The following ZNF385B variants were observed in gnomAD, a reference collection of about 807,000 sequenced individuals.
ZNF385B encodes zinc finger protein 385B, also known as zinc finger protein 533.
A neutral mutation model predicts 39.2 loss-of-function variants in ZNF385B; 23 were observed. The ratio of observed to expected loss-of-function variants is 0.59; its 90% CI spans 0.42 to 0.83. The LOEUF is 0.83. Among genes scored for constraint, ZNF385B ranks in the 40% least tolerant of loss-of-function variants. The pLI is 0.00. For synonymous variants in ZNF385B, 205 were observed against 222.6 expected (o/e 0.92, Z 0.70); for missense variants, 552 against 598.9 (o/e 0.92, Z 0.82).
rs569997655 is a variant in ZNF385B, at chr2:179,702,322, T to C, written c.298+67181A>G. 4.6e-5 allele frequency among the ~76,000 whole-genome samples: 7 copies of C among 152,334 alleles called. No individual in the cohort carries two copies. In the East Asian group the frequency reaches 1.3e-3, roughly 29 times the overall value. ...CTTGCAATTCTGTGATTGCTTAAAGTAATTTAATCAAAATAGAAAACAATG... is the reference window on the plus strand; with the variant it reads ...CTTGCAATTCTGTGATTGCTTAAAGCAATTTAATCAAAATAGAAAACAATG... On this transcript the variant is annotated intron_variant, in intron 3 of 9. Coordinates refer to ENST00000410066, the MANE Select transcript of ZNF385B (RefSeq NM_152520.6).
intron 3 of ZNF385B, among the ~76,000 whole-genome samples, chr2:179,626,574 T>C (rs1277021024): frequency 6.6e-6 from 1 of 152,156 alleles, no homozygotes; most frequent in Non-Finnish European, 1.5e-5. Flanking sequence ...CTGCAGATTG[T>C]AAAAATGGGC....
intron 5 of ZNF385B, among the ~76,000 whole-genome samples, chr2:179,515,904 G>A (rs183972637): frequency 6.6e-6 from 1 of 152,132 alleles, no homozygotes; most frequent in East Asian, 1.9e-4. Context: ...AAACGTTCCT[G>A]CATTTCCCTT....
At chr2:179,754,101 C>A (rs1375266552) in intron 3 of ZNF385B, among the ~76,000 whole-genome samples, 1 of 152,198 alleles carries the variant, frequency 6.6e-6, no homozygotes, top group Non-Finnish European at 1.5e-5. Flanking sequence ...TTTTCAGATA[C>A]GTCCCATCAA....
At chr2:179,610,277 A>G (rs555912029) in intron 3 of ZNF385B, among the ~76,000 whole-genome samples, 1 of 152,144 alleles carries the variant, frequency 6.6e-6, no homozygotes. Context: ...GCATATGTAT[A>G]TTCAATTTTC....
At chr2:179,493,615 A>G (rs1236458310) in intron 5 of ZNF385B, among the ~76,000 whole-genome samples, 2 of 97,882 alleles carry the variant, frequency 2.0e-5, no homozygotes, top group East Asian at 3.6e-4. Context: ...ATATGTACGT[A>G]CATATATGTA....
chr2:179,717,468 C>T (rs368685609), intron 3 of ZNF385B, among the ~76,000 whole-genome samples: 103 of 152,326 alleles, frequency 6.8e-4, no homozygotes, highest in African/African-American at 2.4e-3. Context: ...CACAGTGGCT[C>T]ATGCCTGTAA....
intron 6 of ZNF385B, among the ~76,000 whole-genome samples, chr2:179,457,883 A>T (rs2050874524): frequency 6.6e-6 from 1 of 152,198 alleles, no homozygotes; most frequent in African/African-American, 2.4e-5. Flanking sequence ...TAAAAAGACA[A>T]AGCCCCAAGG....
At chr2:179,493,482 T>G (rs565577201) in intron 5 of ZNF385B, among the ~76,000 whole-genome samples, 1 of 103,608 alleles carries the variant, frequency 9.7e-6, no homozygotes, top group Non-Finnish European at 2.2e-5. Context: ...TGTGTACACA[T>G]ATGTATAAAC....
intron 5 of ZNF385B, among the ~76,000 whole-genome samples, chr2:179,513,592 C>T (rs555573121): frequency 2.0e-5 from 3 of 152,328 alleles, no homozygotes; most frequent in East Asian, 1.9e-4. Context: ...CAACCCAACC[C>T]ATTACACAAA....
chr2:179,614,586 A>C (rs550888665), intron 3 of ZNF385B, among the ~76,000 whole-genome samples: 9 of 152,348 alleles, frequency 5.9e-5, no homozygotes, highest in African/African-American at 1.9e-4. Flanking sequence ...CAAGGAGGTA[A>C]AGCCAAAAGC....
chr2:179,549,677 C>T (rs778531909), intron 3 of ZNF385B, among the ~76,000 whole-genome samples: 2 of 149,416 alleles, frequency 1.3e-5, no homozygotes, highest in Non-Finnish European at 3.0e-5. Flanking sequence ...TATTTCAAAT[C>T]GTTCCAGAAC....
At chr2:179,647,669 T>C (rs1692840230) in intron 3 of ZNF385B, among the ~76,000 whole-genome samples, 1 of 152,272 alleles carries the variant, frequency 6.6e-6, no homozygotes, top group East Asian at 1.9e-4. Context: ...AGAATGTTCC[T>C]ATAGGGTTCA....
chr2:179,509,655 T>TA (rs1309262597), intron 5 of ZNF385B, among the ~76,000 whole-genome samples: 8 of 152,226 alleles, frequency 5.3e-5, no homozygotes, highest in Non-Finnish European at 1.0e-4. Flanking sequence ...GGCAAAAATG[T>TA]AAAATGTTTG....
At chr2:179,683,923 T>C (rs990312689) in intron 3 of ZNF385B, among the ~76,000 whole-genome samples, 4 of 152,228 alleles carry the variant, frequency 2.6e-5, no homozygotes, top group African/African-American at 7.2e-5. Context: ...TGTTTTTTTC[T>C]GTTTTCAATT....
intron 1 of ZNF385B, among the ~76,000 whole-genome samples, chr2:179,860,572 C>A (rs1007860117): frequency 2.6e-5 from 4 of 152,114 alleles, no homozygotes; most frequent in African/African-American, 9.7e-5. Context: ...CTTCGGGGAC[C>A]TTCTCTCTGC....
chr2:179,593,767 C>T (rs35877676), intron 3 of ZNF385B, among the ~76,000 whole-genome samples: 4 of 151,918 alleles, frequency 2.6e-5, no homozygotes, highest in Non-Finnish European at 4.4e-5. Flanking sequence ...ACTAGGGTGA[C>T]GATGTAATTT....
At chr2:179,736,317 T>A (rs1044064959) in intron 3 of ZNF385B, among the ~76,000 whole-genome samples, 1 of 152,200 alleles carries the variant, frequency 6.6e-6, no homozygotes, top group Admixed American at 6.5e-5. Context: ...GGGACTTTTT[T>A]TTCTCTATCA....
chr2:179,632,010 T>G (rs114800983), intron 3 of ZNF385B, among the ~76,000 whole-genome samples: 5,629 of 152,202 alleles, frequency 0.037, 146 homozygotes, highest in Middle Eastern at 0.065. Context: ...TAAATATATA[T>G]GCACCCATTT....
intron 1 of ZNF385B, among the ~76,000 whole-genome samples, chr2:179,858,765 A>G (rs2105458889): frequency 6.6e-6 from 1 of 152,340 alleles, no homozygotes; most frequent in Non-Finnish European, 1.5e-5. Context: ...CTTTGAAGAC[A>G]TATAGGATAT....
Sources: gnomAD v4.1 joint callset for allele counts (sites outside exome capture counted in the v4.1 genomes callset) on GRCh38, gnomAD v4.1.1 for gene constraint, MANE v1.5 for transcripts, NCBI Gene and HGNC (gene_info 2026-07-23, HGNC 2026-07-21) for gene names.